Variants in FBRSL1 observed in about 807,000 individuals in gnomAD.
FBRSL1 encodes fibrosin like 1, also known as fibrosin-1-like protein.
Under a neutral mutation model 89.6 loss-of-function variants are expected in FBRSL1, and 51 were observed. That is an observed-to-expected ratio of 0.57 (90% confidence interval 0.45 to 0.72). The LOEUF is 0.72. Among genes scored for constraint, FBRSL1 ranks in the 30% least tolerant of loss-of-function variants. The pLI is 0.00. For synonymous variants in FBRSL1, 779 were observed against 681.1 expected (o/e 1.14, Z -2.24); for missense variants, 1,618 against 1,451.8 (o/e 1.11, Z -1.86).
intron 5 of FBRSL1, among the ~76,000 whole-genome samples, chr12:132,561,511 G>A (rs1011739354): frequency 2.6e-5 from 4 of 152,208 alleles, no homozygotes; most frequent in Non-Finnish European, 5.9e-5. Context: ...GCTGTGCTTT[G>A]GGGTCTGCCT....
intron 5 of FBRSL1, among the ~76,000 whole-genome samples, chr12:132,549,748 G>T (rs944282993): frequency 1.3e-5 from 2 of 152,154 alleles, no homozygotes; most frequent in African/African-American, 2.4e-5. Context: ...CCCCATAACT[G>T]CACGCCCCCC....
At chr12:132,515,818 T>A (rs2034786847) in intron 2 of FBRSL1, among the ~76,000 whole-genome samples, 1 of 144,158 alleles carries the variant, frequency 6.9e-6, no homozygotes, top group South Asian at 2.1e-4. Context: ...GCCAATCACT[T>A]GAACCCAGGA....
intron 1 of FBRSL1, among the ~76,000 whole-genome samples, chr12:132,498,630 A>G (rs2032455687): frequency 6.6e-6 from 1 of 152,094 alleles, no homozygotes; most frequent in Non-Finnish European, 1.5e-5. Flanking sequence ...ATCCCCTGGG[A>G]GCTTTGGGAG....
intron 15 of FBRSL1, among the ~76,000 whole-genome samples, chr12:132,578,727 C>G (rs898419295): frequency 3.3e-5 from 5 of 152,150 alleles, no homozygotes; most frequent in African/African-American, 1.2e-4. Context: ...CTGCAGCCCC[C>G]CCTCACTCTC....
intron 1 of FBRSL1, among the ~76,000 whole-genome samples, chr12:132,499,000 C>T (rs1162485927): frequency 6.6e-6 from 1 of 152,192 alleles, no homozygotes; most frequent in Non-Finnish European, 1.5e-5. Flanking sequence ...AGGCTGGGCC[C>T]CTTCTGCCTG....
chr12:132,542,741 C>T (rs1372208292), intron 4 of FBRSL1, among the ~76,000 whole-genome samples: 1 of 152,276 alleles, frequency 6.6e-6, no homozygotes, highest in Non-Finnish European at 1.5e-5. Flanking sequence ...CGGGGCCAGA[C>T]ACTGAGGGAC....
At chr12:132,505,993 CAG>C (rs1308701327) in intron 1 of FBRSL1, among the ~76,000 whole-genome samples, 1 of 152,250 alleles carries the variant, frequency 6.6e-6, no homozygotes, top group African/African-American at 2.4e-5. Context: ...TGTGTGGGCA[CAG>C]GGGCTGCGCC....
chr12:132,577,135 C>T (rs2040432111), intron 15 of FBRSL1, among the ~76,000 whole-genome samples: 1 of 152,188 alleles, frequency 6.6e-6, no homozygotes, highest in East Asian at 1.9e-4. Context: ...CTCACCTCTC[C>T]TCTCCTGTCC....
intron 1 of FBRSL1, among the ~76,000 whole-genome samples, chr12:132,495,911 T>C (rs1300547274): frequency 1.3e-5 from 2 of 152,228 alleles, no homozygotes; most frequent in Non-Finnish European, 2.9e-5. Context: ...CCTCTGCCTG[T>C]GCTTCTGCCC....
At chr12:132,581,658 C>A in intron 16 of FBRSL1, 83 bp from the exon 17 acceptor site, 1 of 1,495,582 alleles carries the variant, frequency 6.7e-7, no homozygotes, top group Non-Finnish European at 9.1e-7. Flanking sequence ...AGGCCCAAAG[C>A]CTCTACAGCA....
rs570337812 is a variant in FBRSL1, at chr12:132,510,007, C to T, written c.489+1657C>T. The T allele has an allele frequency of 1.4e-4, 176 of 1,231,728 alleles. 1 individual carries two copies. The African/African-American group carries it at 2.5e-3, about 18-fold the overall frequency. The allele number at this position is 1,231,728 out of a possible 1,614,324, so 76.3% of individuals were successfully genotyped here. A position where few individuals can be genotyped will look rare whatever the true frequency, so the allele number is the denominator to read the frequency against. On this transcript the variant is annotated intron_variant, in intron 2 of 18. Transcript: ENST00000680143. Reference sequence around the variant, plus strand: ...CGGTCGCTGCTGCGCCCCAGGCAGCCCCAGCGGTTAGTGGAAGCCCCAGAG... The same window carrying T: ...CGGTCGCTGCTGCGCCCCAGGCAGCTCCAGCGGTTAGTGGAAGCCCCAGAG...
chr12:132,512,312 G>T (rs2034436822), intron 2 of FBRSL1, among the ~76,000 whole-genome samples: 2 of 152,362 alleles, frequency 1.3e-5, no homozygotes, highest in East Asian at 3.9e-4. Context: ...CCTCTGCATG[G>T]CCTGGGCACG....
At chr12:132,560,859 T>A (rs1459425199) in intron 5 of FBRSL1, among the ~76,000 whole-genome samples, 5 of 152,196 alleles carry the variant, frequency 3.3e-5, no homozygotes, top group Admixed American at 2.6e-4. Flanking sequence ...CGTGCCTGGG[T>A]CACGTCCCTG....
In FBRSL1 at chr12:132,546,708, C is replaced by T. The variant is rs551677521; in HGVS notation, c.616-1295C>T. Among the ~76,000 whole-genome samples the T allele has an allele frequency of 6.6e-6, 1 of 151,880 alleles. No individual in the cohort carries two copies. The highest frequency in any genetic ancestry group is 6.6e-5 in the Admixed American group (1 of 15,256). On this transcript the variant is annotated intron_variant, in intron 4 of 18. Transcript: ENST00000680143. This position sits in a 1 kb window ranked among gnomAD's most constrained non-coding sequence, Gnocchi z 4.0. ...GGGGGAGCCTGTCAGCCTCAGGAGA[C>T]CCCCCCCACAGGCCCACCCCAGCTG...
intron 2 of FBRSL1, chr12:132,510,739 T>A (rs1486939700): frequency 5.0e-6 from 6 of 1,202,208 alleles, no homozygotes; most frequent in Non-Finnish European, 5.2e-6. Flanking sequence ...CCCACTGGCG[T>A]CACAGTGCCC....
At chr12:132,522,298 C>T (rs750262213) in intron 2 of FBRSL1, among the ~76,000 whole-genome samples, 2 of 151,384 alleles carry the variant, frequency 1.3e-5, no homozygotes, top group African/African-American at 4.8e-5. Flanking sequence ...AACCATGTTT[C>T]TGTGGGCAAC....
intron 5 of FBRSL1, chr12:132,551,167 G>A: frequency 2.9e-6 from 1 of 348,246 alleles, no homozygotes; most frequent in East Asian, 7.5e-5. Flanking sequence ...AGGAACATGG[G>A]GGTGCTTCGC....
In FBRSL1 at chr12:132,510,329, G is replaced by T. The variant is rs1403271723; in HGVS notation, c.489+1979G>T. 9 of 1,230,536 alleles carry T rather than the reference G, an allele frequency of 7.3e-6. No homozygotes were observed. The highest frequency in any genetic ancestry group is 8.4e-5 in the Admixed American group (2 of 23,676). The allele number at this position is 1,230,536 out of a possible 1,614,324, so 76.2% of individuals were successfully genotyped here. On this transcript the variant is annotated intron_variant, in intron 2 of 18. Coordinates refer to ENST00000680143, the MANE Select transcript of FBRSL1 (RefSeq NM_001367871.1). ...TATTGGATCTGGTGCCGGCCCGTCA[G>T]CCCCGGCTCTCGCTCCTGGCCCTGG...
At chr12:132,498,707 G>A (rs952279673) in intron 1 of FBRSL1, among the ~76,000 whole-genome samples, 2 of 152,260 alleles carry the variant, frequency 1.3e-5, no homozygotes, top group African/African-American at 4.8e-5. Flanking sequence ...GGCCCTGCGT[G>A]GGCCTTGCAG....
Sources: gnomAD v4.1 joint callset for allele counts (sites outside exome capture counted in the v4.1 genomes callset) on GRCh38, gnomAD v4.1.1 for gene constraint, Gnocchi (gnomAD v3.1) non-coding constraint, MANE v1.5 for transcripts, NCBI Gene and HGNC (gene_info 2026-07-23, HGNC 2026-07-21) for gene names.